Variants in MYO5C observed in about 807,000 individuals in gnomAD.
MYO5C encodes the protein myosin VC.
MYO5C carries 194 observed loss-of-function variants against 235.7 expected under a neutral mutation model. The ratio of observed to expected loss-of-function variants is 0.82; its 90% CI spans 0.73 to 0.93. MYO5C has a LOEUF of 0.93. MYO5C is among the 40% of genes least tolerant of loss of function. The pLI is 0.00. For synonymous variants in MYO5C, 707 were observed against 754.8 expected, an observed-to-expected ratio of 0.94 and a Z score of 1.04; for missense variants, 2,038 against 2,127.2, an observed-to-expected ratio of 0.96 and a Z score of 0.82.
At chr15:52,272,495 A>G in intron 6 of MYO5C, 85 bp downstream of exon 6, 1 of 1,317,278 alleles carries the variant, frequency 7.6e-7, no homozygotes, top group Non-Finnish European at 1.1e-6. Flanking sequence ...CTCACAGCAT[A>G]GTGTAGCTTG....
intron 38 of MYO5C, among the ~76,000 whole-genome samples, chr15:52,200,385 T>C (rs968876220): frequency 2.0e-5 from 3 of 152,008 alleles, no homozygotes; most frequent in Admixed American, 6.6e-5. Context: ...TTGGCCAACA[T>C]GGTGAAACCC....
rs1323449503 is a variant in MYO5C, at chr15:52,272,740, T to C, written c.607-17A>G. The C allele has an allele frequency of 1.1e-5, 18 of 1,606,124 alleles. No individual in the cohort carries two copies. Among genetic ancestry groups the C allele is most frequent in the Non-Finnish European group, 1.5e-5 (18 of 1,177,920 alleles). On this transcript the variant is annotated splice_polypyrimidine_tract_variant and intron_variant, in intron 5 of 40. Transcript: ENST00000261839. ...TCCAACGGCCTAAAAAAAATAAGACTCTATTGAAATAACAACATTAAAAGA... is the reference window on the plus strand; with the variant it reads ...TCCAACGGCCTAAAAAAAATAAGACCCTATTGAAATAACAACATTAAAAGA...
At chr15:52,279,918 T>C (rs1390833942) in intron 2 of MYO5C, among the ~76,000 whole-genome samples, 1 of 152,174 alleles carries the variant, frequency 6.6e-6, no homozygotes, top group East Asian at 1.9e-4. Context: ...TGGGCCTCAC[T>C]TCTCTCATCT....
chr15:52,274,151 C>T (rs530569590), intron 5 of MYO5C, among the ~76,000 whole-genome samples: 22 of 152,184 alleles, frequency 1.4e-4, no homozygotes, highest in African/African-American at 1.9e-4. Flanking sequence ...ATGTGCCATG[C>T]GCTCGGTAAA....
chr15:52,232,475 T>C, intron 24 of MYO5C, 147 bp downstream of exon 24: 4 of 735,742 alleles, frequency 5.4e-6, no homozygotes, highest in Non-Finnish European at 9.5e-6. Flanking sequence ...GGAACTTAGC[T>C]CTCATAAATC....
intron 2 of MYO5C, among the ~76,000 whole-genome samples, chr15:52,280,122 G>C (rs1056116363): frequency 1.3e-5 from 2 of 152,244 alleles, no homozygotes; most frequent in African/African-American, 4.8e-5. Flanking sequence ...AAATGACACA[G>C]TGACCTACGG....
intron 8 of MYO5C, among the ~76,000 whole-genome samples, chr15:52,268,782 G>C (rs1257786109): frequency 7.9e-5 from 12 of 152,194 alleles, no homozygotes; most frequent in Non-Finnish European, 1.5e-5. Flanking sequence ...AGTCGTGCCT[G>C]CTCCACCTGT....
At chr15:52,264,350 A>G in intron 8 of MYO5C, 54 bp from the exon 9 acceptor site, 1 of 1,359,990 alleles carries the variant, frequency 7.4e-7, no homozygotes, top group Non-Finnish European at 1.0e-6. Context: ...TCTGACTAGT[A>G]AGATGGGCAC....
At chr15:52,254,040 A>G (rs190385217) in intron 11 of MYO5C, among the ~76,000 whole-genome samples, 124 of 152,276 alleles carry the variant, frequency 8.1e-4, no homozygotes, top group Non-Finnish European at 1.5e-3. Flanking sequence ...CTATGGAGGA[A>G]TCCCAGTGGG....
Position 52,271,837 on chromosome 15 carries a change from T to C in MYO5C, c.758A>G (p.Asn253Ser), listed in dbSNP as rs1596217981. The change falls in exon 7 of 41, where the codon AAT becomes AGT. Residue 253 changes from asparagine to serine, a missense_variant. By Grantham distance (46) the Asn-to-Ser change is conservative (BLOSUM62 1). Coordinates refer to ENST00000261839, the MANE Select transcript of MYO5C (RefSeq NM_018728.4). ...EKSRVVFQSE[N>S]ERNYHIFYQL... is the part of the protein sequence containing the mutation. The stretch of plus-strand genomic sequence containing the variant: ...ATAGAAAATGTGGTAATTTCGTTCA[T>C]TTTCCGACTGTAAGATAAAGAAATG... 2 of 1,586,548 alleles carry C rather than the reference T, an allele frequency of 1.3e-6. No individual in the cohort carries two copies. Among genetic ancestry groups the C allele is most frequent in the Admixed American group, 1.7e-5 (1 of 58,310 alleles).
intron 7 of MYO5C, among the ~76,000 whole-genome samples, chr15:52,270,529 T>C (rs1263336479): frequency 6.6e-6 from 1 of 151,972 alleles, no homozygotes; most frequent in Non-Finnish European, 1.5e-5. Flanking sequence ...GACATACATA[T>C]ACTCTTATAA....
chr15:52,235,980 C>A (rs1596173408), intron 22 of MYO5C, among the ~76,000 whole-genome samples: 1 of 152,198 alleles, frequency 6.6e-6, no homozygotes, highest in Non-Finnish European at 1.5e-5. Flanking sequence ...CTATTCCCGA[C>A]CTGGCCAGCA....
At chr15:52,213,834 A>G (rs2035500587) in intron 33 of MYO5C, among the ~76,000 whole-genome samples, 1 of 152,224 alleles carries the variant, frequency 6.6e-6, no homozygotes, top group South Asian at 2.1e-4. Flanking sequence ...GTGGGGATGC[A>G]GCGGGGGCTG....
chr15:52,248,144 T>C (rs1431948545), intron 14 of MYO5C, among the ~76,000 whole-genome samples: 1 of 152,160 alleles, frequency 6.6e-6, no homozygotes, highest in Non-Finnish European at 1.5e-5. Flanking sequence ...TATTTTGTTT[T>C]GTTTTGTTTT....
chr15:52,275,812 A>T, intron 4 of MYO5C, 94 bp from the exon 5 acceptor site: 1 of 1,231,306 alleles, frequency 8.1e-7, no homozygotes, highest in South Asian at 1.3e-5. Context: ...CAAAAGAGGG[A>T]AACTGTTTTG....
chr15:52,228,776 A>G (rs983618159), intron 25 of MYO5C, among the ~76,000 whole-genome samples: 4 of 152,224 alleles, frequency 2.6e-5, no homozygotes, highest in Admixed American at 1.3e-4. Context: ...GATTTTGATA[A>G]TAAGGTAACT....
At chr15:52,270,905 T>C (rs1273073689) in intron 7 of MYO5C, among the ~76,000 whole-genome samples, 2 of 152,120 alleles carry the variant, frequency 1.3e-5, no homozygotes, top group African/African-American at 4.8e-5. Flanking sequence ...CTAGAAGTTA[T>C]CTCCAACAAT....
intron 1 of MYO5C, among the ~76,000 whole-genome samples, chr15:52,286,315 T>TG (rs1164734278): frequency 0.014 from 1,747 of 125,536 alleles, 18 homozygotes; most frequent in African/African-American, 0.04. Flanking sequence ...GGGAGGGAGG[T>TG]GGGGGGGGTC....
intron 39 of MYO5C, 44 bp downstream of exon 39, chr15:52,196,265 T>C (rs1382261991): frequency 6.5e-7 from 1 of 1,540,466 alleles, no homozygotes; most frequent in Non-Finnish European, 8.7e-7. Context: ...ACTGCACTGA[T>C]GTGTCAGGGA....
Sources: allele counts gnomAD v4.1 joint callset (sites outside exome capture counted in the v4.1 genomes callset), GRCh38; gene constraint gnomAD v4.1.1; transcripts MANE v1.5; gene names NCBI Gene and HGNC (gene_info 2026-07-23, HGNC 2026-07-21).